The following CACNA1G variants were observed in gnomAD, a reference collection of about 807,000 sequenced individuals.
CACNA1G encodes voltage-dependent T-type calcium channel subunit alpha-1G.
CACNA1G carries 67 observed loss-of-function variants against 219.4 expected under a neutral mutation model. The observed-to-expected ratio is 0.31, with a 90% CI of 0.25 to 0.37. CACNA1G has a LOEUF of 0.37. Among genes scored for constraint, CACNA1G ranks in the 10% least tolerant of loss-of-function variants. The pLI, the probability that CACNA1G is intolerant of heterozygous loss-of-function variation, is 1.00. For missense variants in CACNA1G, 2,380 were observed against 3,231.4 expected (o/e 0.74, Z 6.39); for synonymous variants, 1,296 against 1,345.3 (o/e 0.96, Z 0.80).
rs192799284 is a variant in CACNA1G at position 50,622,797 on chromosome 17, G to A, written c.6060+1003G>A. Among the ~76,000 whole-genome samples, 434 of 152,182 alleles carry A rather than the reference G, an allele frequency of 2.9e-3. 1 individual carries two copies. Among genetic ancestry groups the A allele is most frequent in the African/African-American group, 9.8e-3 (405 of 41,504 alleles). On this transcript the variant is annotated intron_variant, in intron 35 of 37. Transcript: ENST00000359106. ...AGAGCAACAACCCCACTCCCACCCC[G>A]AGTCTGTCCACTAAGGGAGCAGCTG...
intron 13 of CACNA1G, 79 bp downstream of exon 13, chr17:50,592,171 C>G: frequency 6.8e-7 from 1 of 1,462,718 alleles, no homozygotes. Flanking sequence ...AGCCTCCTCC[C>G]TCTGTTGCCA....
At chr17:50,616,608 G>A (rs1291732438) in intron 28 of CACNA1G, among the ~76,000 whole-genome samples, 2 of 152,156 alleles carry the variant, frequency 1.3e-5, no homozygotes, top group African/African-American at 4.8e-5. Context: ...GGGCCTGGGG[G>A]ATGCTGGCAG....
At chr17:50,587,654 C>A (rs1359986693) in intron 9 of CACNA1G, among the ~76,000 whole-genome samples, 1 of 152,234 alleles carries the variant, frequency 6.6e-6, no homozygotes, top group African/African-American at 2.4e-5. Context: ...CTAGAGAGAG[C>A]AAGGCAGGGC....
intron 25 of CACNA1G, 48 bp downstream of exon 25, chr17:50,608,067 G>T: frequency 1.3e-6 from 2 of 1,538,806 alleles, no homozygotes; most frequent in Non-Finnish European, 1.8e-6. Flanking sequence ...CCTCTCTCTG[G>T]GTCGTGCTTG....
chr17:50,577,331 C>G (rs755883828), intron 8 of CACNA1G, among the ~76,000 whole-genome samples: 3 of 151,880 alleles, frequency 2.0e-5, no homozygotes, highest in Non-Finnish European at 4.4e-5. Context: ...GAGCGGGGGG[C>G]TTCCACATCC....
Position 50,600,776 on chromosome 17 carries a change from C to T in CACNA1G, c.3741C>T (p.Cys1247=), listed in dbSNP as rs1453929125. The T allele has an allele frequency of 1.9e-6, 3 of 1,613,774 alleles. No individual in the cohort carries two copies. The highest frequency in any genetic ancestry group is 2.5e-6 in the Non-Finnish European group (3 of 1,179,846). ...GGATCCGAGCCCGACTCCCTGCCTGCTGCCTCGAGCGAGACTCCTGGTCAG... is the reference window on the plus strand; with the variant it reads ...GGATCCGAGCCCGACTCCCTGCCTGTTGCCTCGAGCGAGACTCCTGGTCAG... ...RAWIRARLPA[C]CLERDSWSAY... is the part of the protein sequence containing the mutation. Residue 1247 remains cysteine (C), a synonymous_variant, in exon 18 of 38, where the codon TGC becomes TGT. Transcript: ENST00000359106. This position sits in a 1 kb window ranked among gnomAD's most constrained non-coding sequence, Gnocchi z 4.1.
Position 50,627,181 on chromosome 17 carries a change from C to A in CACNA1G, c.*430C>A, listed in dbSNP as rs1214332004. ...GCGTCTGTCTCTTGGCTATTTTAAC[C>A]TAAAATAACAGTCTAGTTATATTCC... is the stretch of plus-strand genomic sequence containing the variant. On this transcript the variant is annotated 3_prime_UTR_variant, in exon 38 of 38. Transcript: ENST00000359106. 2.2e-6 allele frequency: 1 copy of A among 455,606 alleles called. No individual in the cohort carries two copies. Among genetic ancestry groups the A allele is most frequent in the Non-Finnish European group, 4.4e-6 (1 of 227,932 alleles). 28.2% of individuals were successfully genotyped at this position (455,606 alleles called of 1,614,324 possible). A position where few individuals can be genotyped will look rare whatever the true frequency, so the allele number is the denominator to read the frequency against.
In CACNA1G at chr17:50,566,605, T is replaced by C. The variant is rs375752008; in HGVS notation, c.243-2265T>C. On this transcript the variant is annotated intron_variant, in intron 1 of 37. Coordinates refer to ENST00000359106, the MANE Select transcript of CACNA1G (RefSeq NM_018896.5). The stretch of plus-strand genomic sequence containing the variant: ...CCTCTGTGAGGTCACTTCTGTACCT[T>C]CCCCCAGTTATAAGCAGTTCACCTC... 3.9e-5 allele frequency among the ~76,000 whole-genome samples: 6 copies of C among 152,274 alleles called. No homozygotes were observed. The East Asian group carries it at 1.2e-3, about 29-fold the overall frequency.
At chr17:50,580,594 C>G (rs779278059) in intron 9 of CACNA1G, among the ~76,000 whole-genome samples, 50 of 152,214 alleles carry the variant, frequency 3.3e-4, no homozygotes, top group Non-Finnish European at 6.9e-4. Context: ...GAGAAGGCAG[C>G]AGCCGTCAGT....
intron 12 of CACNA1G, 21 bp downstream of exon 12, chr17:50,591,874 G>C (rs373226961): frequency 6.2e-7 from 1 of 1,613,720 alleles, no homozygotes; most frequent in Non-Finnish European, 8.5e-7. Flanking sequence ...AACAGGGCAG[G>C]GCGTGGACAG....
chr17:50,585,591 G>A (rs376340842), intron 9 of CACNA1G, among the ~76,000 whole-genome samples: 280 of 152,284 alleles, frequency 1.8e-3, no homozygotes, highest in African/African-American at 6.6e-3. Context: ...CCTCTGATTA[G>A]GAGGCCCTGG....
At position 50,617,666 on chromosome 17, in the gene CACNA1G, C is replaced by T; in HGVS notation, c.5155+95C>T. ...TTGTGGCTGGTCAAGGCCTGGGCGG[C>T]TGTGGGTTCCCATGGGTCTTTCTCC... On this transcript the variant is annotated intron_variant, in intron 29 of 37. Transcript: ENST00000359106. The surrounding 1 kb of genome is among the most constrained non-coding windows in gnomAD (Gnocchi z 5.8). The T allele has an allele frequency of 6.7e-7, 1 of 1,502,972 alleles. No homozygotes were observed. Among genetic ancestry groups the T allele is most frequent in the Non-Finnish European group, 9.0e-7 (1 of 1,109,736 alleles). 93.1% of individuals were successfully genotyped at this position (1,502,972 alleles called of 1,614,324 possible).
chr17:50,569,287 C>A lies in CACNA1G; in HGVS notation c.477C>A (p.Ile159=), dbSNP rs749835211. The stretch of plus-strand genomic sequence containing the variant: ...CTTGGAACCGGCTTGACTTTTTCAT[C>A]GTCATCGCAGGGTGAGGACCTGGGC... ...GDTWNRLDFF[I]VIAGMLEYSL... is the part of the protein sequence containing the mutation. The change falls in exon 3 of 38, where the codon ATC becomes ATA. Residue 159 remains isoleucine, a synonymous_variant. Coordinates refer to ENST00000359106, the MANE Select transcript of CACNA1G (RefSeq NM_018896.5). 3.1e-6 allele frequency: 5 copies of A among 1,613,600 alleles called. No individual in the cohort carries two copies. In the South Asian group the frequency reaches 5.5e-5, roughly 18 times the overall value.
intron 26 of CACNA1G, 111 bp from the exon 27 acceptor site, chr17:50,615,250 G>T: frequency 9.1e-7 from 1 of 1,098,938 alleles, no homozygotes; most frequent in Non-Finnish European, 1.2e-6. Flanking sequence ...TGATGATTAT[G>T]GAATGTTTCA....
intron 1 of CACNA1G, among the ~76,000 whole-genome samples, chr17:50,562,665 T>C (rs2036201831): frequency 6.6e-6 from 1 of 152,150 alleles, no homozygotes; most frequent in Non-Finnish European, 1.5e-5. Context: ...AGACCAGGTA[T>C]GGGGGACTGC....
intron 25 of CACNA1G, among the ~76,000 whole-genome samples, chr17:50,608,892 G>A (rs933453302): frequency 8.5e-5 from 13 of 152,270 alleles, no homozygotes; most frequent in African/African-American, 2.4e-4. Context: ...CTGGTACAGC[G>A]TAATCTCCGC....
Position 50,619,838 on chromosome 17 carries a change from C to G in CACNA1G, c.5925+12C>G. 1 of 1,597,828 alleles carries G rather than the reference C, an allele frequency of 6.3e-7. No individual in the cohort carries two copies. The highest frequency in any genetic ancestry group is 8.5e-7 in the Non-Finnish European group (1 of 1,175,072). ...GCTCCGACCCACAGGTTACTGTGCC[C>G]CTGTGCTGTGCCCTCTCCCCTGACC... On this transcript the variant is annotated intron_variant, in intron 34 of 37. Coordinates refer to ENST00000359106, the MANE Select transcript of CACNA1G (RefSeq NM_018896.5).
Position 50,576,143 on chromosome 17 carries a change from G to C in CACNA1G, c.1741G>C (p.Gly581Arg), listed in dbSNP as rs780152569. 6.2e-7 allele frequency: 1 copy of C among 1,607,664 alleles called. No individual in the cohort carries two copies. Among genetic ancestry groups the C allele is most frequent in the South Asian group, 1.1e-5 (1 of 89,672 alleles). ...TCCCAGGTCCCCATCTGAGGCATCC[G>C]GCAGGACTGTGGGCAGCGGGAAGGT... ...PPPRSPSEASGRTVGSGKVYP... is the reference protein window; with the variant it reads ...PPPRSPSEASRRTVGSGKVYP... The change falls in exon 8 of 38, where the codon GGC (glycine) becomes CGC (arginine). Residue 581 changes from glycine to arginine, a missense_variant. By Grantham distance (125) the Gly-to-Arg change is moderately radical. This residue lies in a region of CACNA1G where 434 missense variants were observed against 417.3 expected (regional missense o/e 1.04). Coordinates refer to ENST00000359106, the MANE Select transcript of CACNA1G (RefSeq NM_018896.5).
At chr17:50,586,083 C>G (rs371109050) in intron 9 of CACNA1G, among the ~76,000 whole-genome samples, 12 of 152,318 alleles carry the variant, frequency 7.9e-5, no homozygotes, top group African/African-American at 2.6e-4. Context: ...TCACTGTCTG[C>G]CAGAGCTGGC....
Sources: gnomAD v4.1 joint callset for allele counts (sites outside exome capture counted in the v4.1 genomes callset) on GRCh38, gnomAD v4.1.1 for gene constraint, gnomAD v4.1.1 regional missense constraint, Gnocchi (gnomAD v3.1) non-coding constraint, MANE v1.5 for transcripts, NCBI Gene and HGNC (gene_info 2026-07-23, HGNC 2026-07-21) for gene names.